The following CHD9 variants were observed in gnomAD, a reference collection of about 807,000 sequenced individuals.
CHD9 encodes ATP-dependent chromatin remodeler CHD9.
In CHD9, 77 loss-of-function variants were observed where a neutral mutation model predicts 316.1. The observed-to-expected ratio is 0.24, with a 90% CI of 0.20 to 0.29. The LOEUF (loss-of-function observed/expected upper bound fraction) is 0.29, where lower values mean the gene tolerates loss of function less well. Ranked by LOEUF, CHD9 falls within the 10% of genes least tolerant of loss-of-function variation. The probability of loss-of-function intolerance (pLI) is 1.00; values close to 1 mark genes in which losing one functional copy is unlikely to be tolerated. For synonymous variants in CHD9, 1,129 were observed against 1,158.3 expected, an observed-to-expected ratio of 0.97 and a Z score of 0.51; for missense variants, 2,763 against 3,438.1, an observed-to-expected ratio of 0.80 and a Z score of 4.91.
rs1244443616 is a variant in CHD9, at chr16:53,156,668, T to A, written c.579T>A (p.Leu193=). The change falls in exon 2 of 39, where the codon CTT becomes CTA. Residue 193 remains leucine (L), a synonymous_variant. Transcript: ENST00000447540. ...ATCTCAACCCAGGGCAGAATTCTCT[T>A]AGCCAGTCTAAAAATTTTATGAATG... ...RNNLNPGQNS[L]SQSKNFMNVS... 1.9e-6 allele frequency: 3 copies of A among 1,613,996 alleles called. No individual in the cohort carries two copies. The highest frequency in any genetic ancestry group is 2.5e-6 in the Non-Finnish European group (3 of 1,179,876).
chr16:53,239,982 A>G (rs1180653420), intron 12 of CHD9, among the ~76,000 whole-genome samples: 2 of 152,216 alleles, frequency 1.3e-5, no homozygotes, highest in Non-Finnish European at 2.9e-5. Context: ...ATGAGGTTAC[A>G]GGAGCAAAAT....
intron 1 of CHD9, among the ~76,000 whole-genome samples, chr16:53,133,333 T>G (rs922449491): frequency 6.6e-6 from 1 of 152,126 alleles, no homozygotes; most frequent in Non-Finnish European, 1.5e-5. Flanking sequence ...ATGAGCAGGC[T>G]ACTTTAATCG....
At chr16:53,086,777 A>G (rs2035498549) in intron 1 of CHD9, among the ~76,000 whole-genome samples, 1 of 152,182 alleles carries the variant, frequency 6.6e-6, no homozygotes, top group Admixed American at 6.5e-5. Context: ...CAGCTTCAAG[A>G]ATTATCAACT....
At chr16:53,074,619 G>A (rs1466666260) in intron 1 of CHD9, among the ~76,000 whole-genome samples, 1 of 152,218 alleles carries the variant, frequency 6.6e-6, no homozygotes, top group African/African-American at 2.4e-5. Context: ...TGGGTGAAAG[G>A]GGTCAATGTA....
chr16:53,228,568 T>C (rs945418241), intron 7 of CHD9, among the ~76,000 whole-genome samples: 4 of 132,278 alleles, frequency 3.0e-5, no homozygotes, highest in Admixed American at 2.6e-4. Context: ...TGAGACGGAG[T>C]CTCGCTCTGT....
intron 17 of CHD9, 111 bp from the exon 18 acceptor site, chr16:53,254,327 T>G: frequency 1.5e-6 from 1 of 667,202 alleles, no homozygotes; most frequent in Non-Finnish European, 2.3e-6. Context: ...TATATCTAAT[T>G]CAATAAAAAT....
chr16:53,182,026 C>T (rs1567435731), intron 2 of CHD9, among the ~76,000 whole-genome samples: 1 of 152,038 alleles, frequency 6.6e-6, no homozygotes, highest in Non-Finnish European at 1.5e-5. Flanking sequence ...TTGCAGTGAG[C>T]CGAGAGTGCA....
intron 2 of CHD9, among the ~76,000 whole-genome samples, chr16:53,198,893 G>A (rs1025898020): frequency 2.0e-5 from 3 of 152,092 alleles, no homozygotes; most frequent in African/African-American, 7.2e-5. Context: ...GTCTTTGATA[G>A]CATGGAATTA....
intron 2 of CHD9, among the ~76,000 whole-genome samples, chr16:53,187,791 T>A (rs1481897900): frequency 6.6e-6 from 1 of 152,156 alleles, no homozygotes; most frequent in Non-Finnish European, 1.5e-5. Flanking sequence ...TTGTATATTA[T>A]GGAGGAACAG....
intron 2 of CHD9, among the ~76,000 whole-genome samples, chr16:53,161,365 A>G (rs907014094): frequency 6.6e-6 from 1 of 152,192 alleles, no homozygotes; most frequent in Non-Finnish European, 1.5e-5. Flanking sequence ...TAATTTTTGC[A>G]TGTTCTGTAT....
intron 19 of CHD9, among the ~76,000 whole-genome samples, chr16:53,262,360 C>T (rs2051223994): frequency 6.6e-6 from 1 of 152,042 alleles, no homozygotes; most frequent in East Asian, 1.9e-4. Flanking sequence ...TTTATAATTT[C>T]CACAGTATTT....
intron 1 of CHD9, among the ~76,000 whole-genome samples, chr16:53,096,258 C>T (rs1035178669): frequency 6.6e-6 from 1 of 152,016 alleles, no homozygotes; most frequent in Admixed American, 6.6e-5. Flanking sequence ...AGAATGCTTG[C>T]AAAGCCTTTC....
At position 53,231,647 on chromosome 16, in the gene CHD9, C is replaced by T; in HGVS notation, c.2374C>T (p.Pro792Ser). 1 of 1,568,330 alleles carries T rather than the reference C, an allele frequency of 6.4e-7. No individual in the cohort carries two copies. Among genetic ancestry groups the T allele is most frequent in the Non-Finnish European group, 8.6e-7 (1 of 1,158,962 alleles). The change falls in exon 10 of 39, where the codon CCT (proline) becomes TCT (serine). Residue 792 changes from proline (P) to serine (S), a missense_variant and splice_region_variant. Coordinates refer to ENST00000447540, the MANE Select transcript of CHD9 (RefSeq NM_001308319.2). ...SFCEDKDTGE[P>S]VIYYLVKWCS... ...GGTAAATGAAAAAATTTTTTTACAG[C>T]CTGTTATTTACTACTTAGTAAAATG...
chr16:53,146,419 G>GTATGTATATATATATATATATATA lies in CHD9; in HGVS notation c.-164-9504_-164-9503insGTATATATATATATATATATATAT, dbSNP rs59577921. Among the ~76,000 whole-genome samples, 673 of 76,616 alleles carry GTATGTATATATATATATATATATA rather than the reference G, an allele frequency of 8.8e-3. 71 individuals are homozygous for GTATGTATATATATATATATATATA. Among genetic ancestry groups the GTATGTATATATATATATATATATA allele is most frequent in the East Asian group, 0.079 (223 of 2,840 alleles). The allele number at this position is 76,616 out of a possible 152,430, so 50.3% of individuals were successfully genotyped here. A position where few individuals can be genotyped will look rare whatever the true frequency, so the allele number is the denominator to read the frequency against. ...AAAAAAAAATTGTGTGTGTGTGTAT[G>GTATGTATATATATATATATATATA]TATATATATATATATATAATTAAAA... On this transcript the variant is annotated intron_variant, in intron 1 of 38. Transcript: ENST00000447540.
intron 11 of CHD9, among the ~76,000 whole-genome samples, chr16:53,237,879 A>G (rs2048763940): frequency 6.6e-6 from 1 of 152,018 alleles, no homozygotes; most frequent in South Asian, 2.1e-4. Flanking sequence ...GTGCAGCCAC[A>G]ATTGAAAACC....
At chr16:53,213,149 C>G (rs765602132) in intron 3 of CHD9, among the ~76,000 whole-genome samples, 52 of 152,162 alleles carry the variant, frequency 3.4e-4, no homozygotes, top group Non-Finnish European at 6.8e-4. Flanking sequence ...TTATTAATGG[C>G]TATTTTGACA....
chr16:53,150,794 C>T (rs1333513335), intron 1 of CHD9, among the ~76,000 whole-genome samples: 1 of 152,164 alleles, frequency 6.6e-6, no homozygotes, highest in African/African-American at 2.4e-5. Context: ...TCAAATATTT[C>T]ATGTCAGCAC....
At chr16:53,076,313 G>A (rs967228644) in intron 1 of CHD9, among the ~76,000 whole-genome samples, 4 of 151,854 alleles carry the variant, frequency 2.6e-5, no homozygotes, top group African/African-American at 4.8e-5. Context: ...GATGGCTCTC[G>A]CCTGTAATCA....
chr16:53,100,108 C>G (rs886869151), intron 1 of CHD9, among the ~76,000 whole-genome samples: 6 of 152,238 alleles, frequency 3.9e-5, no homozygotes, highest in African/African-American at 1.2e-4. Context: ...CTGGGTGATA[C>G]TGCAGCCCAC....
Sources: allele counts gnomAD v4.1 joint callset (sites outside exome capture counted in the v4.1 genomes callset), GRCh38; gene constraint gnomAD v4.1.1; transcripts MANE v1.5; gene names NCBI Gene and HGNC (gene_info 2026-07-23, HGNC 2026-07-21).